ABCC11: variants seen among roughly 807,000 people sequenced by gnomAD.
ABCC11 encodes the protein ATP-binding cassette sub-family C member 11.
A neutral mutation model predicts 149.3 loss-of-function variants in ABCC11; 135 were observed. The ratio of observed to expected loss-of-function variants is 0.90; its 90% CI spans 0.79 to 1.04. ABCC11 has a LOEUF of 1.04. Among genes scored for constraint, ABCC11 ranks in the 50% least tolerant of loss-of-function variants. ABCC11 has a pLI of 0.00. For missense variants in ABCC11, 1,680 were observed against 1,722.1 expected, an observed-to-expected ratio of 0.98 and a Z score of 0.43; for synonymous variants, 665 against 671.4, an observed-to-expected ratio of 0.99 and a Z score of 0.15.
At position 48,193,933 on chromosome 16, in the gene ABCC11, G is replaced by A; in HGVS notation, c.2454C>T (p.Phe818=). The A allele has an allele frequency of 1.2e-6, 2 of 1,614,084 alleles. No homozygotes were observed. Among genetic ancestry groups the A allele is most frequent in the Non-Finnish European group, 1.7e-6 (2 of 1,179,934 alleles). ...IIFFFVVLIV[F]LTIFSFWWLS... ...GCCACCAGAAGCTGAAGATCGTTAAGAAGACGATCAGCACCACGAAGAAGA... is the reference window on the plus strand; with the variant it reads ...GCCACCAGAAGCTGAAGATCGTTAAAAAGACGATCAGCACCACGAAGAAGA... The change falls in exon 19 of 30, where the codon TTC becomes TTT. Residue 818 remains phenylalanine (F), a synonymous_variant. Coordinates refer to ENST00000356608, the MANE Select transcript of ABCC11 (RefSeq NM_001370497.1).
intron 25 of ABCC11, 88 bp from the exon 26 acceptor site, chr16:48,175,505 G>T: frequency 7.0e-7 from 1 of 1,430,640 alleles, no homozygotes; most frequent in Non-Finnish European, 9.4e-7. Context: ...CACCTGACCC[G>T]CTGCCCTCCG....
rs545651692 is a variant in ABCC11, at chr16:48,169,269, T to C, written c.3891+836A>G. Among the ~76,000 whole-genome samples, 4 of 152,276 alleles carry C rather than the reference T, an allele frequency of 2.6e-5. No homozygotes were observed. In the South Asian group the frequency reaches 8.3e-4, roughly 32 times the overall value. ...AGTTGGAGACATTTCAGCTCAGGTG[T>C]AAGGAATCCGCTATCAGGCAGCCTA... is the stretch of plus-strand genomic sequence containing the variant. On this transcript the variant is annotated intron_variant, in intron 28 of 29. Transcript: ENST00000356608.
In ABCC11 at chr16:48,211,123, T is replaced by C. The variant is rs1347345642; in HGVS notation, c.1433A>G (p.Glu478Gly). 1.2e-6 allele frequency: 2 copies of C among 1,614,140 alleles called. No homozygotes were observed. The highest frequency in any genetic ancestry group is 1.3e-5 in the African/African-American group (1 of 75,032). ...QDPSKALVFE[E>G]ATLSWQQTCP... is the part of the protein sequence containing the mutation. ...GGTCTGTTGCCATGACAAGGTGGCC[T>C]CCTCAAAGACCAGAGCTTTGCTGGG... The change falls in exon 11 of 30, where the codon GAG becomes GGG. Residue 478 changes from glutamate to glycine, a missense_variant. Physicochemically the swap from Glu to Gly is moderately conservative, Grantham distance 98 (BLOSUM62 -2). Coordinates refer to ENST00000356608, the MANE Select transcript of ABCC11 (RefSeq NM_001370497.1).
intron 26 of ABCC11, among the ~76,000 whole-genome samples, chr16:48,173,765 C>T (rs1391608770): frequency 6.6e-6 from 1 of 152,152 alleles, no homozygotes; most frequent in Non-Finnish European, 1.5e-5. Context: ...GCTGGGATTA[C>T]AGACATGCAC....
At chr16:48,194,588 C>T (rs753737429) in intron 18 of ABCC11, among the ~76,000 whole-genome samples, 4 of 152,188 alleles carry the variant, frequency 2.6e-5, no homozygotes, top group Admixed American at 6.5e-5. Flanking sequence ...AAAGTGAGGC[C>T]TCTAAGAGGT....
chr16:48,231,964 A>G, intron 1 of ABCC11, 25 bp from the exon 2 acceptor site: 1 of 1,613,212 alleles, frequency 6.2e-7, no homozygotes, highest in Non-Finnish European at 8.5e-7. Flanking sequence ...ATCAGAGAAT[A>G]TGAAAAGACA....
At chr16:48,245,562 G>A (rs1971324111) in intron 1 of ABCC11, among the ~76,000 whole-genome samples, 1 of 152,150 alleles carries the variant, frequency 6.6e-6, no homozygotes, top group Non-Finnish European at 1.5e-5. Context: ...GGTTTGCTGC[G>A]ATTGTCTGTT....
intron 17 of ABCC11, among the ~76,000 whole-genome samples, chr16:48,197,341 G>A (rs1258748882): frequency 6.6e-6 from 1 of 152,056 alleles, no homozygotes; most frequent in African/African-American, 2.4e-5. Context: ...AGACTCAGTT[G>A]GAGACAGGAG....
intron 28 of ABCC11, among the ~76,000 whole-genome samples, chr16:48,169,085 C>G (rs776632891): frequency 6.6e-5 from 10 of 152,088 alleles, no homozygotes; most frequent in Non-Finnish European, 1.5e-4. Flanking sequence ...TGCAATTTTG[C>G]CCTGGATCAG....
Position 48,176,965 on chromosome 16 carries a change from C to T in ABCC11, c.3497G>A (p.Arg1166His), listed in dbSNP as rs374295166. ...TVLHGINLTIRGHEVVGIVGR... is the reference protein window; with the variant it reads ...TVLHGINLTIHGHEVVGIVGR... ...CACGATGCCCACCACTTCGTGGCCG[C>T]GGATGGTCAGGTTGATGCCGTGAAG... The change falls in exon 25 of 30, where the codon CGC (arginine) becomes CAC (histidine). Residue 1166 changes from arginine (R) to histidine (H), a missense_variant. Transcript: ENST00000356608. The T allele has an allele frequency of 2.3e-5, 37 of 1,614,018 alleles. No homozygotes were observed. The highest frequency in any genetic ancestry group is 3.0e-5 in the Non-Finnish European group (35 of 1,180,032).
chr16:48,228,303 C>T (rs1970210627), intron 3 of ABCC11, among the ~76,000 whole-genome samples: 1 of 151,412 alleles, frequency 6.6e-6, no homozygotes, highest in Admixed American at 6.6e-5. Context: ...AGATTAAAAA[C>T]TCAGTATTGG....
chr16:48,191,870 C>A (rs1771749898), intron 20 of ABCC11, among the ~76,000 whole-genome samples: 1 of 152,010 alleles, frequency 6.6e-6, no homozygotes, highest in Non-Finnish European at 1.5e-5. Context: ...AGGAGATATA[C>A]CTAATGTTAA....
Position 48,203,048 on chromosome 16 carries a change from T to C in ABCC11, c.1878+180A>G, listed in dbSNP as rs552081295. ...CCACTTTCCTTTCCAGGTGCCTCTATAAGCTGAGCCCCAACCTCCCTCAGT... is the reference window on the plus strand; with the variant it reads ...CCACTTTCCTTTCCAGGTGCCTCTACAAGCTGAGCCCCAACCTCCCTCAGT... On this transcript the variant is annotated intron_variant, in intron 14 of 29. Coordinates refer to ENST00000356608, the MANE Select transcript of ABCC11 (RefSeq NM_001370497.1). 7.2e-5 allele frequency among the ~76,000 whole-genome samples: 11 copies of C among 152,348 alleles called. No homozygotes were observed. In the East Asian group the frequency reaches 2.1e-3, roughly 29 times the overall value.
chr16:48,168,068 T>C (rs886459703), intron 28 of ABCC11, among the ~76,000 whole-genome samples: 39 of 152,232 alleles, frequency 2.6e-4, no homozygotes, highest in African/African-American at 7.7e-4. Context: ...CTTTTTAGTT[T>C]AACATTTTTG....
In ABCC11 at chr16:48,211,291, A is replaced by G. The variant is rs1364060635; in HGVS notation, c.1357-92T>C. On this transcript the variant is annotated intron_variant, in intron 10 of 29. Coordinates refer to ENST00000356608, the MANE Select transcript of ABCC11 (RefSeq NM_001370497.1). ...CAGTTTTACAAGTCTGCCAGTTGGT[A>G]TGGTTTTGTGAATTTCTAATAAGCA... The G allele has an allele frequency of 1.2e-5, 18 of 1,474,070 alleles. No homozygotes were observed. In the East Asian group the frequency reaches 4.1e-4, roughly 34 times the overall value. 91.3% of individuals were successfully genotyped at this position (1,474,070 alleles called of 1,614,324 possible).
chr16:48,222,476 T>C (rs771210799), intron 6 of ABCC11, 122 bp downstream of exon 6: 7 of 794,026 alleles, frequency 8.8e-6, no homozygotes, highest in Non-Finnish European at 1.2e-5. Context: ...TAGGAATTAT[T>C]TTCTTTCTCT....
In ABCC11 at chr16:48,167,239, T is replaced by G; in HGVS notation, c.*35A>C. On this transcript the variant is annotated 3_prime_UTR_variant, in exon 30 of 30. Transcript: ENST00000356608. ...GCTGCACCTGTGTGAACCTCTGAGC[T>G]CAGCTGCCAGCCTCCATGAAGTCTC... 3 of 783,364 alleles carry G rather than the reference T, an allele frequency of 3.8e-6. No homozygotes were observed. Among genetic ancestry groups the G allele is most frequent in the Non-Finnish European group, 7.1e-6 (3 of 422,538 alleles). The allele number at this position is 783,364 out of a possible 1,614,324, so 48.5% of individuals were successfully genotyped here. A position where few individuals can be genotyped will look rare whatever the true frequency, so the allele number is the denominator to read the frequency against.
At chr16:48,233,918 T>A (rs1173440454) in intron 1 of ABCC11, among the ~76,000 whole-genome samples, 1 of 152,250 alleles carries the variant, frequency 6.6e-6, no homozygotes, top group Non-Finnish European at 1.5e-5. Context: ...CATTTGCCAA[T>A]GACCTGAGTA....
chr16:48,235,827 G>A (rs1369766377), intron 1 of ABCC11, among the ~76,000 whole-genome samples: 3 of 152,224 alleles, frequency 2.0e-5, no homozygotes, highest in Non-Finnish European at 2.9e-5. Flanking sequence ...AGAGGCAAAG[G>A]TCAGGATGAC....
Sources: gnomAD v4.1 joint callset for allele counts (sites outside exome capture counted in the v4.1 genomes callset) on GRCh38, gnomAD v4.1.1 for gene constraint, MANE v1.5 for transcripts, NCBI Gene and HGNC (gene_info 2026-07-23, HGNC 2026-07-21) for gene names.